Variants in URGCP observed in about 807,000 individuals in gnomAD.
The protein encoded by URGCP is upregulator of cell proliferation.
A neutral mutation model predicts 24.6 loss-of-function variants in URGCP; 13 were observed. The ratio of observed to expected loss-of-function variants is 0.53; its 90% CI spans 0.34 to 0.84. The LOEUF is 0.84. Ranked by LOEUF, URGCP falls within the 40% of genes least tolerant of loss-of-function variation. The probability of loss-of-function intolerance (pLI) is 0.01; values close to 1 mark genes in which losing one functional copy is unlikely to be tolerated. For synonymous variants in URGCP, 444 were observed against 487.2 expected, an observed-to-expected ratio of 0.91 and a Z score of 1.17; for missense variants, 899 against 1,194.3, an observed-to-expected ratio of 0.75 and a Z score of 3.64.
intron 1 of URGCP, among the ~76,000 whole-genome samples, chr7:43,925,936 A>G (rs2095929482): frequency 3.9e-5 from 6 of 151,920 alleles, no homozygotes; most frequent in Admixed American, 3.9e-4. Flanking sequence ...AAGGAGACAG[A>G]TAATTAAGTT....
rs1562571872 is a variant in URGCP at position 43,878,508 on chromosome 7, GA to G, written c.954del (p.Ser320AlafsTer16). 2 of 1,614,176 alleles carry G rather than the reference GA, an allele frequency of 1.2e-6. No homozygotes were observed. The highest frequency in any genetic ancestry group is 2.2e-5 in the East Asian group (1 of 44,878). On this transcript the variant is annotated frameshift_variant, in exon 6 of 6. Coordinates refer to ENST00000453200, the MANE Select transcript of URGCP (RefSeq NM_001077663.3). LOFTEE classifies it low-confidence loss of function (END_TRUNC). The surrounding 1 kb of genome is among the most constrained non-coding windows in gnomAD (Gnocchi z 5.6). ...ATGTCCAAGTCCTCCCTTCCGCTGG[GA>G]AAAAACCAGGAAATTTCTACCAACC... Reference protein sequence around the residue: ...SDGLVEISWFFPSGREDLDIF... With the variant: ...SDGLVEISWFXPSGREDLDIF...
intron 5 of URGCP, among the ~76,000 whole-genome samples, 174 bp downstream of exon 5, chr7:43,881,485 T>G (rs866759702): frequency 2.0e-4 from 30 of 151,032 alleles, no homozygotes; most frequent in Admixed American, 3.3e-4. Flanking sequence ...TTTTTTTTTT[T>G]TTTTTTTTTT....
intron 3 of URGCP, among the ~76,000 whole-genome samples, chr7:43,885,199 C>T (rs1585797814): frequency 6.6e-6 from 1 of 151,748 alleles, no homozygotes; most frequent in Non-Finnish European, 1.5e-5. Context: ...CTCCCAGGTT[C>T]GAGCGATTCT....
intron 1 of URGCP, 190 bp from the exon 2 acceptor site, chr7:43,888,006 G>T (rs1353633448): frequency 2.1e-5 from 12 of 561,970 alleles, no homozygotes; most frequent in East Asian, 9.0e-5. Context: ...AGGGAAAGCT[G>T]TTATATTAAT....
At chr7:43,883,344 ATATATATATATATATATATTTT>A (rs1451934616) in intron 3 of URGCP, among the ~76,000 whole-genome samples, 30 of 99,604 alleles carry the variant, frequency 3.0e-4, no homozygotes, top group African/African-American at 1.3e-3. Flanking sequence ...ATACATATAT[ATATATATATATATATATATTTT>A]TTTTTTTTTT....
In URGCP at chr7:43,912,244, T is replaced by A. The variant is rs141488695; in HGVS notation, c.-116+13888A>T. 1.4e-3 allele frequency among the ~76,000 whole-genome samples: 210 copies of A among 152,318 alleles called. 3 individuals are homozygous for A. The East Asian group carries it at 0.037, about 27-fold the overall frequency. Reference sequence around the variant, plus strand: ...CGGGCGTGGTTGCTCATGCCTGTAATCCCAGCACTTTGGGAGGCTGAGGCT... The same window carrying A: ...CGGGCGTGGTTGCTCATGCCTGTAAACCCAGCACTTTGGGAGGCTGAGGCT... On this transcript the variant is annotated intron_variant, in intron 1 of 5. Transcript: ENST00000426198.
At chr7:43,911,931 A>T (rs2095910571) in intron 1 of URGCP, among the ~76,000 whole-genome samples, 1 of 152,168 alleles carries the variant, frequency 6.6e-6, no homozygotes, top group Non-Finnish European at 1.5e-5. Context: ...GAAAATTGAC[A>T]AATGTGTGGA....
intron 5 of URGCP, chr7:43,881,283 T>C: frequency 1.4e-6 from 1 of 700,590 alleles, no homozygotes; most frequent in East Asian, 2.7e-5. Context: ...GATCTGCAAA[T>C]GAAGGCGTTG....
chr7:43,917,722 G>A (rs1377222661), intron 1 of URGCP, among the ~76,000 whole-genome samples: 3 of 152,142 alleles, frequency 2.0e-5, no homozygotes, highest in African/African-American at 7.2e-5. Context: ...CTAATGTTGG[G>A]TAATAAAGGA....
upstream of URGCP, among the ~76,000 whole-genome samples, chr7:43,909,398 T>G (rs895653261): frequency 1.3e-5 from 2 of 152,206 alleles, no homozygotes; most frequent in Admixed American, 6.5e-5. Flanking sequence ...ACTTTTACAA[T>G]TTTTCAAAAT....
intron 1 of URGCP, chr7:43,919,535 C>A (rs966377661): frequency 1.0e-5 from 14 of 1,355,500 alleles, no homozygotes; most frequent in Non-Finnish European, 1.4e-5. Context: ...TGACTATGGA[C>A]CAATCAGTGG....
At chr7:43,907,281 G>A (rs2095905068), upstream of URGCP, among the ~76,000 whole-genome samples, 1 of 152,142 alleles carries the variant, frequency 6.6e-6, no homozygotes. Flanking sequence ...AAGTGAAAAT[G>A]CTTAATAAAA....
chr7:43,923,817 A>G (rs1370036309), intron 1 of URGCP, among the ~76,000 whole-genome samples: 2 of 152,174 alleles, frequency 1.3e-5, no homozygotes, highest in Non-Finnish European at 2.9e-5. Context: ...TTGAAGCACA[A>G]AAGTTTTAAA....
At chr7:43,924,087 C>T (rs1037720459) in intron 1 of URGCP, among the ~76,000 whole-genome samples, 1 of 152,132 alleles carries the variant, frequency 6.6e-6, no homozygotes, top group African/African-American at 2.4e-5. Context: ...CCAGGCTGAG[C>T]TCAAACTCCT....
chr7:43,899,973 A>G (rs1277830481), intron 1 of URGCP, among the ~76,000 whole-genome samples: 2 of 152,174 alleles, frequency 1.3e-5, no homozygotes, highest in East Asian at 3.9e-4. Context: ...TGTCTCTACA[A>G]AAAAAATTTC....
At chr7:43,916,711 A>ACC (rs1352266678) in intron 1 of URGCP, among the ~76,000 whole-genome samples, 532 of 39,190 alleles carry the variant, frequency 0.014, 4 homozygotes, top group East Asian at 0.032. Context: ...CTCCCTACCC[A>ACC]CCCCCCCCCC....
In URGCP at chr7:43,878,708, T is replaced by G; in HGVS notation, c.755A>C (p.Glu252Ala). 6.2e-7 allele frequency: 1 copy of G among 1,614,096 alleles called. No individual in the cohort carries two copies. Among genetic ancestry groups the G allele is most frequent in the Non-Finnish European group, 8.5e-7 (1 of 1,180,014 alleles). ...CGCCCTGGACAAGACCACGCTGTCT[T>G]CCCGGAAGCTCCCCATGCCCCTTGG... ...QPPRGMGSFR[E>A]DSVVLSRAPA... is the part of the protein sequence containing the mutation. Residue 252 changes from glutamate (E) to alanine (A), a missense_variant, in exon 6 of 6, where the codon GAA becomes GCA. Coordinates refer to ENST00000453200, the MANE Select transcript of URGCP (RefSeq NM_001077663.3). This position sits in a 1 kb window ranked among gnomAD's most constrained non-coding sequence, Gnocchi z 5.6.
At chr7:43,920,094 G>C (rs1315266998) in intron 1 of URGCP, 1 of 1,114,320 alleles carries the variant, frequency 9.0e-7, no homozygotes, top group Non-Finnish European at 1.3e-6. Flanking sequence ...CTGCCTTACT[G>C]GTTGACCAAG....
intron 1 of URGCP, among the ~76,000 whole-genome samples, chr7:43,893,434 T>C (rs979974611): frequency 6.6e-6 from 1 of 152,216 alleles, no homozygotes; most frequent in African/African-American, 2.4e-5. Context: ...GGTAGGAGGA[T>C]TGCTTTAGCC....
Sources: gnomAD v4.1 joint callset for allele counts (sites outside exome capture counted in the v4.1 genomes callset) on GRCh38, gnomAD v4.1.1 for gene constraint, Gnocchi (gnomAD v3.1) non-coding constraint, MANE v1.5 for transcripts, NCBI Gene and HGNC (gene_info 2026-07-23, HGNC 2026-07-21) for gene names.